DRC8: variants seen among roughly 807,000 people sequenced by gnomAD.
DRC8 encodes the protein dynein regulatory complex protein 8.
At chr1:245,028,265 T>C in the DRC8 span, among the ~76,000 whole-genome samples, 1 of 152,216 alleles carries the variant, frequency 6.6e-6, no homozygotes, top group Non-Finnish European at 1.5e-5. Context: ...TACACAATCA[T>C]TTCTCATGGC....
the DRC8 span, among the ~76,000 whole-genome samples, chr1:244,980,220 A>C: frequency 2.8e-5 from 4 of 144,886 alleles, no homozygotes; most frequent in Non-Finnish European, 6.1e-5. Flanking sequence ...CTCCGTCTCA[A>C]AAAAAAAAAA....
the DRC8 span, among the ~76,000 whole-genome samples, chr1:244,975,087 C>T: frequency 5.3e-5 from 8 of 152,102 alleles, no homozygotes; most frequent in East Asian, 3.9e-4. Context: ...CCTGCCACCA[C>T]GCCCGGCTAA....
At chr1:244,971,337 C>A in the DRC8 span, among the ~76,000 whole-genome samples, 1 of 152,376 alleles carries the variant, frequency 6.6e-6, no homozygotes, top group Non-Finnish European at 1.5e-5. Flanking sequence ...GCGCGGTGGC[C>A]GCCTGCAGAG....
chr1:245,083,794 T>C, the DRC8 span: 1 of 1,452,078 alleles, frequency 6.9e-7, no homozygotes, highest in South Asian at 1.4e-5. Flanking sequence ...GTCATTCTGG[T>C]GAAAGTTATT....
chr1:245,047,067 G>A, the DRC8 span, among the ~76,000 whole-genome samples: 4 of 152,166 alleles, frequency 2.6e-5, no homozygotes, highest in Non-Finnish European at 4.4e-5. Context: ...GGAGCCACTC[G>A]CAGTGCTGCT....
the DRC8 span, among the ~76,000 whole-genome samples, chr1:245,042,876 C>G: frequency 6.6e-6 from 1 of 152,116 alleles, no homozygotes. Flanking sequence ...TGATACTACA[C>G]CCACTAAATG....
the DRC8 span, among the ~76,000 whole-genome samples, chr1:245,026,333 G>C: frequency 1.3e-5 from 2 of 152,150 alleles, no homozygotes; most frequent in African/African-American, 4.8e-5. Context: ...ATTTGTAATG[G>C]ATTAGAAATA....
chr1:245,069,952 G>A, the DRC8 span, among the ~76,000 whole-genome samples: 1 of 152,148 alleles, frequency 6.6e-6, no homozygotes. Flanking sequence ...AGCTGAGACA[G>A]GAGGGTCACT....
At chr1:244,997,825 G>A in the DRC8 span, among the ~76,000 whole-genome samples, 11 of 152,122 alleles carry the variant, frequency 7.2e-5, no homozygotes, top group Non-Finnish European at 1.6e-4. Context: ...GGTTACAGGT[G>A]TGAGCCACTG....
chr1:245,114,286 A>C, the DRC8 span, among the ~76,000 whole-genome samples: 1 of 152,090 alleles, frequency 6.6e-6, no homozygotes, highest in Non-Finnish European at 1.5e-5. Context: ...GATATGGTGA[A>C]ACCCTGTTTC....
chr1:244,991,839 G>A, the DRC8 span, among the ~76,000 whole-genome samples: 1 of 152,162 alleles, frequency 6.6e-6, no homozygotes, highest in Non-Finnish European at 1.5e-5. Context: ...TTTTCATGTG[G>A]TTCGAGCCTT....
chr1:245,095,251 C>T, the DRC8 span, among the ~76,000 whole-genome samples: 3 of 152,202 alleles, frequency 2.0e-5, no homozygotes, highest in African/African-American at 7.2e-5. Flanking sequence ...AAGGAAGGAC[C>T]TTGCTTCTAG....
At chr1:245,030,395 A>C in the DRC8 span, among the ~76,000 whole-genome samples, 1 of 152,228 alleles carries the variant, frequency 6.6e-6, no homozygotes, top group Non-Finnish European at 1.5e-5. Context: ...TAATCCAGAG[A>C]GGATTTAAAG....
the DRC8 span, among the ~76,000 whole-genome samples, chr1:245,069,381 G>A: frequency 1.3e-5 from 2 of 152,198 alleles, no homozygotes; most frequent in Middle Eastern, 3.4e-3. Flanking sequence ...TAAAGGTCTC[G>A]TCCTCATTGT....
the DRC8 span, chr1:245,043,873 T>G: frequency 1.4e-5 from 2 of 144,424 alleles, no homozygotes; most frequent in East Asian, 4.2e-4. Flanking sequence ...TTGTTAAAGC[T>G]AGTTTATATT....
the DRC8 span, among the ~76,000 whole-genome samples, chr1:245,038,963 TG>T: frequency 2.0e-5 from 3 of 151,068 alleles, no homozygotes; most frequent in African/African-American, 7.3e-5. Flanking sequence ...CTAATATCCC[TG>T]ATATTGTGTA....
the DRC8 span, among the ~76,000 whole-genome samples, chr1:244,996,737 C>G: frequency 6.6e-6 from 1 of 152,154 alleles, no homozygotes; most frequent in Admixed American, 6.5e-5. Flanking sequence ...GCATCATTGC[C>G]TTTGTATTTA....
At chr1:245,121,722 C>T in the DRC8 span, among the ~76,000 whole-genome samples, 1 of 151,982 alleles carries the variant, frequency 6.6e-6, no homozygotes, top group Admixed American at 6.6e-5. Flanking sequence ...GGCTGTCCAG[C>T]GTCAGCAAAT....
At chr1:245,029,806 G>A in the DRC8 span, among the ~76,000 whole-genome samples, 5 of 151,892 alleles carry the variant, frequency 3.3e-5, no homozygotes, top group Admixed American at 6.6e-5. Context: ...ATGTTGGCCA[G>A]GCTGGTCTCG....
Sources: gnomAD v4.1 joint callset for allele counts (sites outside exome capture counted in the v4.1 genomes callset) on GRCh38, gnomAD v4.1.1 for gene constraint, MANE v1.5 for transcripts, NCBI Gene and HGNC (gene_info 2026-07-23, HGNC 2026-07-21) for gene names.